The following SBNO1 variants were observed in gnomAD, a reference collection of about 807,000 sequenced individuals.
SBNO1 encodes strawberry notch homolog 1, also known as protein strawberry notch homolog 1.
SBNO1 carries 23 observed loss-of-function variants against 173.6 expected under a neutral mutation model. The ratio of observed to expected loss-of-function variants is 0.13; its 90% CI spans 0.10 to 0.19. SBNO1 has a LOEUF of 0.19. SBNO1 is among the 10% of genes least tolerant of loss of function. The probability of loss-of-function intolerance (pLI) is 1.00; values close to 1 mark genes in which losing one functional copy is unlikely to be tolerated. For missense variants in SBNO1, 1,238 were observed against 1,671.2 expected (o/e 0.74, Z 4.52); for synonymous variants, 632 against 571.5 (o/e 1.11, Z -1.51).
chr12:123,334,871 A>C (rs991444971), intron 6 of SBNO1, among the ~76,000 whole-genome samples: 1 of 152,240 alleles, frequency 6.6e-6, no homozygotes, highest in African/African-American at 2.4e-5. Context: ...GCATTCATTC[A>C]GTAAAACAAA....
At chr12:123,314,419 T>A (rs953926196) in intron 23 of SBNO1, among the ~76,000 whole-genome samples, 1 of 151,770 alleles carries the variant, frequency 6.6e-6, no homozygotes, top group African/African-American at 2.4e-5. Flanking sequence ...AACCTCTGCA[T>A]CCCAGGTTGA....
At chr12:123,364,249 C>T (rs1255232058) in intron 1 of SBNO1, 2 of 985,604 alleles carry the variant, frequency 2.0e-6, no homozygotes, top group Non-Finnish European at 2.4e-6. Flanking sequence ...GAGCCGGGAG[C>T]AATGCTGGGG....
rs1419822942 is a variant in SBNO1 at position 123,291,550 on chromosome 12, CACACA to C, written c.*4353_*4357del. Reference sequence around the variant, plus strand: ...TGCATCCCCCCAGTACAATGCATTGCACACAACACAATAAGACATAGTAAAAAACA... The same window carrying C: ...TGCATCCCCCCAGTACAATGCATTGCACACAATAAGACATAGTAAAAAACA... On this transcript the variant is annotated 3_prime_UTR_variant, in exon 32 of 32. Transcript: ENST00000602398. 1.3e-5 allele frequency: 2 copies of C among 152,054 alleles called. No individual in the cohort carries two copies. Among genetic ancestry groups the C allele is most frequent in the Non-Finnish European group, 2.9e-5 (2 of 68,020 alleles). 9.4% of individuals were successfully genotyped at this position (152,054 alleles called of 1,614,324 possible). A position where few individuals can be genotyped will look rare whatever the true frequency, so the allele number is the denominator to read the frequency against.
chr12:123,334,974 A>G (rs1202618017), intron 6 of SBNO1, among the ~76,000 whole-genome samples: 1 of 152,184 alleles, frequency 6.6e-6, no homozygotes, highest in Non-Finnish European at 1.5e-5. Flanking sequence ...GTATCATTTG[A>G]GGCCAAGAGT....
chr12:123,322,894 G>GA (rs973105596), intron 16 of SBNO1, among the ~76,000 whole-genome samples: 18 of 133,480 alleles, frequency 1.3e-4, no homozygotes, highest in South Asian at 7.1e-4. Flanking sequence ...AAAAAAAAAA[G>GA]AAAAAAAAAG....
At chr12:123,335,685 A>G (rs537292190) in intron 6 of SBNO1, among the ~76,000 whole-genome samples, 2 of 152,322 alleles carry the variant, frequency 1.3e-5, no homozygotes, top group Admixed American at 6.5e-5. Flanking sequence ...ACCAATAAAC[A>G]TGTCTATGTT....
Position 123,311,716 on chromosome 12 carries a change from CTATCTATATATATATATA to C in SBNO1, c.3221-605_3221-588del, listed in dbSNP as rs1196601788. Among the ~76,000 whole-genome samples the C allele has an allele frequency of 2.3e-4, 14 of 60,956 alleles. No homozygotes were observed. The East Asian group carries it at 5.0e-3, about 22-fold the overall frequency. 40.0% of individuals were successfully genotyped at this position (60,956 alleles called of 152,430 possible). On this transcript the variant is annotated intron_variant, in intron 24 of 31. Transcript: ENST00000602398. Reference sequence around the variant, plus strand: ...CCTATCTATCTATCTATCTATCTATCTATCTATATATATATATATATATATATATATATTTTTGCGACA... The same window carrying C: ...CCTATCTATCTATCTATCTATCTATCTATATATATATATATTTTTGCGACA...
chr12:123,333,714 T>C (rs1462427265), intron 7 of SBNO1, among the ~76,000 whole-genome samples: 5 of 152,036 alleles, frequency 3.3e-5, no homozygotes, highest in Non-Finnish European at 5.9e-5. Flanking sequence ...CCCAGACTGG[T>C]CGCGAACTCC....
rs576874027 is a variant in SBNO1, at chr12:123,362,262, C to T, written c.-1+2439G>A. Among the ~76,000 whole-genome samples, 28 of 151,684 alleles carry T rather than the reference C, an allele frequency of 1.8e-4. 1 individual carries two copies. Among genetic ancestry groups the T allele is most frequent in the Admixed American group, 1.5e-3 (23 of 15,198 alleles). ...CTATCCTGGCTAACATGGTGAAACC[C>T]CGTCTCTACTAAAAGTACAAAAAAT... On this transcript the variant is annotated intron_variant, in intron 1 of 31. Transcript: ENST00000602398.
At chr12:123,318,872 A>T (rs1273808593) in intron 20 of SBNO1, among the ~76,000 whole-genome samples, 1 of 152,094 alleles carries the variant, frequency 6.6e-6, no homozygotes, top group African/African-American at 2.4e-5. Context: ...AAACAGTGAA[A>T]CCAAAATTAC....
At position 123,313,577 on chromosome 12, in the gene SBNO1, G is replaced by A. The variant is rs747713263; in HGVS notation, c.3220+43C>T. 1.2e-5 allele frequency: 12 copies of A among 1,042,498 alleles called. No individual in the cohort carries two copies. The African/African-American group carries it at 1.4e-4, about 12-fold the overall frequency. 64.6% of individuals were successfully genotyped at this position (1,042,498 alleles called of 1,614,324 possible). On this transcript the variant is annotated intron_variant, in intron 24 of 31. Coordinates refer to ENST00000602398, the MANE Select transcript of SBNO1 (RefSeq NM_001167856.3). ...TTACAACAGGTTTGAGTACATCTTTGTCAATAATCATTGTCATTGTTATGA... is the reference window on the plus strand; with the variant it reads ...TTACAACAGGTTTGAGTACATCTTTATCAATAATCATTGTCATTGTTATGA...
chr12:123,354,574 A>G (rs1428105518), intron 1 of SBNO1, among the ~76,000 whole-genome samples: 1 of 152,154 alleles, frequency 6.6e-6, no homozygotes, highest in African/African-American at 2.4e-5. Context: ...TTATATTTCT[A>G]TTCAGAAACT....
Position 123,304,306 on chromosome 12 carries a change from C to T in SBNO1, c.3768+276G>A, listed in dbSNP as rs550089823. On this transcript the variant is annotated intron_variant, in intron 29 of 31. Coordinates refer to ENST00000602398, the MANE Select transcript of SBNO1 (RefSeq NM_001167856.3). Reference sequence around the variant, plus strand: ...CTGGAGAGCAATAGCGTGATCTTGGCTCACTGCAACCTCCGCCTCCCGGGT... The same window carrying T: ...CTGGAGAGCAATAGCGTGATCTTGGTTCACTGCAACCTCCGCCTCCCGGGT... 1.1e-4 allele frequency among the ~76,000 whole-genome samples: 17 copies of T among 152,292 alleles called. No individual in the cohort carries two copies. The East Asian group carries it at 3.3e-3, about 29-fold the overall frequency.
At chr12:123,308,159 A>G (rs1240961561) in intron 28 of SBNO1, among the ~76,000 whole-genome samples, 1 of 152,230 alleles carries the variant, frequency 6.6e-6, no homozygotes, top group Admixed American at 6.5e-5. Context: ...CTGAGTAAGT[A>G]AATATGAAAC....
chr12:123,331,129 A>G (rs943859414), intron 8 of SBNO1, 113 bp downstream of exon 8: 1 of 1,097,772 alleles, frequency 9.1e-7, no homozygotes, highest in Non-Finnish European at 1.3e-6. Flanking sequence ...CGACCGGCTG[A>G]TTTTTTGTAC....
Position 123,298,000 on chromosome 12 carries a change from C to G in SBNO1, c.4017G>C (p.Thr1339=). Residue 1339 remains threonine, a synonymous_variant, in exon 31 of 32, where the codon ACG becomes ACC. Transcript: ENST00000602398. ...CACCTACAATCCGTTGCCCATCTTC[C>G]GTTCTTAGCCGCACGATCTGCATCT... ...NVKMQIVRLR[T]EDGQRIVGLI... is the part of the protein sequence containing the mutation. 2 of 1,613,846 alleles carry G rather than the reference C, an allele frequency of 1.2e-6. No individual in the cohort carries two copies. The highest frequency in any genetic ancestry group is 8.5e-7 in the Non-Finnish European group (1 of 1,179,920).
chr12:123,320,635 A>G (rs747712931), intron 18 of SBNO1, 28 bp from the exon 19 acceptor site: 12 of 1,600,704 alleles, frequency 7.5e-6, no homozygotes, highest in South Asian at 3.4e-5. Context: ...GCTAAAAGTT[A>G]GTACAAAGTT....
At chr12:123,322,145 T>C (rs1200340246) in intron 16 of SBNO1, among the ~76,000 whole-genome samples, 2 of 152,202 alleles carry the variant, frequency 1.3e-5, no homozygotes, top group African/African-American at 2.4e-5. Flanking sequence ...AAAACCTTTT[T>C]ATTTTTGGAG....
At position 123,327,415 on chromosome 12, in the gene SBNO1, A is replaced by G; in HGVS notation, c.1692+11T>C. On this transcript the variant is annotated intron_variant, in intron 13 of 31. Coordinates refer to ENST00000602398, the MANE Select transcript of SBNO1 (RefSeq NM_001167856.3). ...TTAAATAAACACTAGGAATTAAGAA[A>G]AATTCCTCACCAGCTTGACAGCTTT... 1 of 1,603,118 alleles carries G rather than the reference A, an allele frequency of 6.2e-7. No individual in the cohort carries two copies. The highest frequency in any genetic ancestry group is 8.5e-7 in the Non-Finnish European group (1 of 1,175,702).
Sources: gnomAD v4.1 joint callset for allele counts (sites outside exome capture counted in the v4.1 genomes callset) on GRCh38, gnomAD v4.1.1 for gene constraint, MANE v1.5 for transcripts, NCBI Gene and HGNC (gene_info 2026-07-23, HGNC 2026-07-21) for gene names.